CD99L2: variants seen among roughly 807,000 people sequenced by gnomAD.
CD99L2 encodes the protein CD99 antigen-like protein 2.
CD99L2 carries 24 observed loss-of-function variants against 27.3 expected under a neutral mutation model. That is an observed-to-expected ratio of 0.88 (90% CI 0.64 to 1.24). The LOEUF (loss-of-function observed/expected upper bound fraction) is 1.24, where lower values mean the gene tolerates loss of function less well. CD99L2 is among the 50% of genes most tolerant of loss of function. The probability of loss-of-function intolerance (pLI) is 0.00; values close to 1 mark genes in which losing one functional copy is unlikely to be tolerated. For missense variants in CD99L2, 255 were observed against 221.6 expected, an observed-to-expected ratio of 1.15 and a Z score of -0.96; for synonymous variants, 97 against 87.9, an observed-to-expected ratio of 1.10 and a Z score of -0.58.
At chrX:150,802,520 C>A (rs1354558172) in intron 4 of CD99L2, among the ~76,000 whole-genome samples, 2 of 104,291 alleles carry the variant, frequency 1.9e-5, no homozygotes, top group Non-Finnish European at 3.9e-5. Flanking sequence ...GAGCCAAGAT[C>A]ACACCACTGC....
intron 2 of CD99L2, among the ~76,000 whole-genome samples, chrX:150,827,870 A>C (rs980261108): frequency 8.9e-5 from 10 of 111,802 alleles, no homozygotes; most frequent in Non-Finnish European, 1.9e-4. Flanking sequence ...CTATGGTCCT[A>C]AGCACTGTTT....
Position 150,793,773 on chromosome X carries a change from A to G in CD99L2, c.431-17T>C, listed in dbSNP as rs2045737609. 1 of 1,155,559 alleles carries G rather than the reference A, an allele frequency of 8.7e-7. No individual in the cohort carries two copies. The highest frequency in any genetic ancestry group is 1.2e-6 in the Non-Finnish European group (1 of 859,576). On this transcript the variant is annotated splice_polypyrimidine_tract_variant and intron_variant, in intron 6 of 10. Transcript: ENST00000370377. ...CTGAAAAACCTGGAGAAAATAAAAC[A>G]TACATTTCAACAACAAGAAAAAAAA...
intron 9 of CD99L2, among the ~76,000 whole-genome samples, chrX:150,773,028 T>C (rs2043488780): frequency 8.9e-6 from 1 of 112,470 alleles, no homozygotes; most frequent in South Asian, 3.7e-4. Flanking sequence ...ATGAAAATAA[T>C]GTATTTTCCT....
rs1163655913 is a variant in CD99L2, at chrX:150,898,610, C to G, written c.-22G>C. Reference sequence around the variant, plus strand: ...CCATGGCTGGGAGCAGGCGGAGGGCCCCGGAGGAGCACAGTTAGCGCGAGA... The same window carrying G: ...CCATGGCTGGGAGCAGGCGGAGGGCGCCGGAGGAGCACAGTTAGCGCGAGA... On this transcript the variant is annotated 5_prime_UTR_variant, in exon 1 of 11. Coordinates refer to ENST00000370377, the MANE Select transcript of CD99L2 (RefSeq NM_031462.4). The G allele has an allele frequency of 1.8e-6, 2 of 1,090,847 alleles. No individual in the cohort carries two copies. Among genetic ancestry groups the G allele is most frequent in the Admixed American group, 7.5e-5 (2 of 26,706 alleles). 89.9% of individuals were successfully genotyped at this position (1,090,847 alleles called of 1,213,427 possible).
At chrX:150,777,766 T>C (rs1557419318) in intron 7 of CD99L2, among the ~76,000 whole-genome samples, 1 of 111,813 alleles carries the variant, frequency 8.9e-6, no homozygotes, top group Admixed American at 9.4e-5. Flanking sequence ...GACACAGTAT[T>C]CTATTTCACC....
chrX:150,892,422 C>T (rs1363086378), intron 1 of CD99L2, among the ~76,000 whole-genome samples: 5 of 104,762 alleles, frequency 4.8e-5, no homozygotes, highest in African/African-American at 1.0e-4. Flanking sequence ...CTGGCTAACA[C>T]GGTGAAACCT....
At chrX:150,788,072 C>T (rs2045628529) in intron 7 of CD99L2, among the ~76,000 whole-genome samples, 1 of 107,675 alleles carries the variant, frequency 9.3e-6, no homozygotes, top group South Asian at 4.2e-4. Context: ...GTTTTGGTTA[C>T]TGTAGCAGGA....
chrX:150,877,868 T>C (rs2047254090), intron 1 of CD99L2, among the ~76,000 whole-genome samples: 1 of 106,344 alleles, frequency 9.4e-6, no homozygotes, highest in Non-Finnish European at 1.9e-5. Context: ...CTAGGAGAAA[T>C]AAAAATAAAA....
intron 4 of CD99L2, among the ~76,000 whole-genome samples, chrX:150,802,566 A>T (rs1185938306): frequency 1.0e-5 from 1 of 97,141 alleles, no homozygotes; most frequent in Non-Finnish European, 2.1e-5. Flanking sequence ...ACTCAGGCTC[A>T]AAAAAAAGAA....
intron 1 of CD99L2, among the ~76,000 whole-genome samples, chrX:150,897,432 A>G (rs782742242): frequency 3.6e-5 from 4 of 112,439 alleles, no homozygotes; most frequent in Non-Finnish European, 7.5e-5. Flanking sequence ...ACATTTCTGC[A>G]TCTTTTGCAA....
chrX:150,855,420 T>C (rs1400671643), intron 1 of CD99L2, among the ~76,000 whole-genome samples: 1 of 111,362 alleles, frequency 9.0e-6, no homozygotes, highest in African/African-American at 3.3e-5. Flanking sequence ...CTTACAGTCA[T>C]GGTGGTAGGT....
chrX:150,808,754 A>G (rs1233699916), intron 4 of CD99L2, among the ~76,000 whole-genome samples: 2 of 111,912 alleles, frequency 1.8e-5, no homozygotes, highest in Non-Finnish European at 3.8e-5. Context: ...ATAACCAGGT[A>G]CAGCCTTGAA....
chrX:150,823,739 C>T (rs2046274385), intron 2 of CD99L2, among the ~76,000 whole-genome samples: 1 of 111,309 alleles, frequency 9.0e-6, no homozygotes, highest in East Asian at 2.8e-4. Context: ...CATCAAATGC[C>T]AAGTGGGGCT....
At position 150,783,399 on chromosome X, in the gene CD99L2, T is replaced by C. The variant is rs980866379; in HGVS notation, c.497-5917A>G. Among the ~76,000 whole-genome samples the C allele has an allele frequency of 2.2e-4, 25 of 111,329 alleles. 1 individual carries two copies. The Middle Eastern group carries it at 0.014, about 62-fold the overall frequency. On this transcript the variant is annotated intron_variant, in intron 7 of 10. Transcript: ENST00000370377. ...AACCAACTGATCATAGTCAGTACCGTCCCCTTTAACCCTGTGAACTACAAG... is the reference window on the plus strand; with the variant it reads ...AACCAACTGATCATAGTCAGTACCGCCCCCTTTAACCCTGTGAACTACAAG...
intron 1 of CD99L2, among the ~76,000 whole-genome samples, chrX:150,869,518 G>T (rs782322006): frequency 8.9e-6 from 1 of 111,826 alleles, no homozygotes; most frequent in Non-Finnish European, 1.9e-5. Context: ...TAATGTTTTC[G>T]GTATGTGTGT....
intron 2 of CD99L2, among the ~76,000 whole-genome samples, chrX:150,817,230 T>A (rs1557420551): frequency 9.4e-6 from 1 of 106,821 alleles, no homozygotes; most frequent in Non-Finnish European, 1.9e-5. Context: ...AATAAATAAA[T>A]AAATAAATAA....
intron 1 of CD99L2, among the ~76,000 whole-genome samples, chrX:150,862,162 A>C (rs1557421925): frequency 8.9e-6 from 1 of 112,013 alleles, no homozygotes; most frequent in Non-Finnish European, 1.9e-5. Context: ...CTTTAAAAGC[A>C]CTGTGATATA....
At chrX:150,826,183 G>A (rs1403843120) in intron 2 of CD99L2, among the ~76,000 whole-genome samples, 1 of 111,797 alleles carries the variant, frequency 8.9e-6, no homozygotes, top group Admixed American at 9.5e-5. Flanking sequence ...CACTGAATAT[G>A]CCAGCACCTT....
At position 150,816,074 on chromosome X, in the gene CD99L2, T is replaced by A; in HGVS notation, c.135A>T (p.Pro45=). The change falls in exon 3 of 11, where the codon CCA becomes CCT. Residue 45 remains proline (P), a synonymous_variant. Coordinates refer to ENST00000370377, the MANE Select transcript of CD99L2 (RefSeq NM_031462.4). The part of the protein sequence containing the change: ...AVKETSSVKQ[P]WDHTTTTTTN... The stretch of plus-strand genomic sequence containing the variant: ...TTGTGGTGGTGGTGGTGTGGTCCCA[T>A]GGCTCTAAAAGGGAGAGGGAGGACA... 8.3e-7 allele frequency: 1 copy of A among 1,211,053 alleles called. No homozygotes were observed. The highest frequency in any genetic ancestry group is 1.1e-6 in the Non-Finnish European group (1 of 895,106).
Sources: allele counts gnomAD v4.1 joint callset (sites outside exome capture counted in the v4.1 genomes callset), GRCh38; gene constraint gnomAD v4.1.1; transcripts MANE v1.5; gene names NCBI Gene and HGNC (gene_info 2026-07-23, HGNC 2026-07-21).